The following SHC4 variants were observed in gnomAD, a reference collection of about 807,000 sequenced individuals.
SHC4 encodes SHC-transforming protein 4.
In SHC4, 41 loss-of-function variants were observed where a neutral mutation model predicts 69.4. The ratio of observed to expected loss-of-function variants is 0.59; its 90% CI spans 0.46 to 0.77. The LOEUF (loss-of-function observed/expected upper bound fraction) is 0.77, where lower values mean the gene tolerates loss of function less well. Among genes scored for constraint, SHC4 ranks in the 30% least tolerant of loss-of-function variants. The probability of loss-of-function intolerance (pLI) is 0.00; values close to 1 mark genes in which losing one functional copy is unlikely to be tolerated. For missense variants in SHC4, 777 were observed against 783.8 expected (o/e 0.99, Z 0.10); for synonymous variants, 318 against 299.3 (o/e 1.06, Z -0.64).
In SHC4 at chr15:48,924,829, G is replaced by A. The variant is rs763581267; in HGVS notation, c.656+50C>T. On this transcript the variant is annotated intron_variant, in intron 2 of 11. Coordinates refer to ENST00000332408, the MANE Select transcript of SHC4 (RefSeq NM_203349.4). ...TAAAATTCCTGTGGGAGAAATTATT[G>A]TGACTTTAAACCATACTCCTCAAAG... 8.9e-6 allele frequency: 14 copies of A among 1,575,140 alleles called. No individual in the cohort carries two copies. The South Asian group carries it at 1.2e-4, about 14-fold the overall frequency.
At chr15:48,915,395 C>A (rs886793508) in intron 2 of SHC4, among the ~76,000 whole-genome samples, 3 of 152,196 alleles carry the variant, frequency 2.0e-5, no homozygotes, top group African/African-American at 4.8e-5. Context: ...ATTTAGTTGG[C>A]TATTTCAATT....
At chr15:48,901,190 G>C (rs1900313098) in intron 2 of SHC4, among the ~76,000 whole-genome samples, 1 of 152,172 alleles carries the variant, frequency 6.6e-6, no homozygotes, top group African/African-American at 2.4e-5. Flanking sequence ...ATCGAAATCA[G>C]GTAGCAGGTG....
At chr15:48,827,435 C>A (rs1898709912) in intron 11 of SHC4, among the ~76,000 whole-genome samples, 1 of 152,128 alleles carries the variant, frequency 6.6e-6, no homozygotes, top group African/African-American at 2.4e-5. Context: ...TGGCTCCAAA[C>A]CTCAAAAAGG....
chr15:48,946,122 T>G (rs1388870226), intron 1 of SHC4: 1 of 152,204 alleles, frequency 6.6e-6, no homozygotes, highest in African/African-American at 2.4e-5. Context: ...TGTGTCGAGA[T>G]TCTTACTGGT....
chr15:48,956,386 T>A (rs1047780247), intron 1 of SHC4, among the ~76,000 whole-genome samples: 1 of 152,140 alleles, frequency 6.6e-6, no homozygotes, highest in African/African-American at 2.4e-5. Flanking sequence ...AAGGTTAGAG[T>A]TACCAGGCTA....
At chr15:48,897,896 A>G (rs1900253178) in intron 2 of SHC4, among the ~76,000 whole-genome samples, 1 of 152,206 alleles carries the variant, frequency 6.6e-6, no homozygotes, top group Non-Finnish European at 1.5e-5. Context: ...AAAGTCAACG[A>G]TACTCAGCCA....
chr15:48,929,464 G>A (rs912741650), intron 1 of SHC4, among the ~76,000 whole-genome samples: 1 of 152,192 alleles, frequency 6.6e-6, no homozygotes, highest in Non-Finnish European at 1.5e-5. Flanking sequence ...TGAGGAAATT[G>A]AAGCCTATTA....
rs1269511030 is a variant in SHC4 at position 48,962,571 on chromosome 15, C to T, written c.445G>A (p.Asp149Asn). The change falls in exon 1 of 12, where the codon GAC becomes AAC. Residue 149 changes from aspartate (D) to asparagine (N), a missense_variant. By Grantham distance (23) the Asp-to-Asn change is conservative (BLOSUM62 1). Coordinates refer to ENST00000332408, the MANE Select transcript of SHC4 (RefSeq NM_203349.4). ...RSGTAPPPQQ[D>N]LVGHRATALT... is the part of the protein sequence containing the mutation. Reference sequence around the variant, plus strand: ...GCGGTTGCCCTGTGTCCCACCAGGTCCTGCTGCGGTGGAGGTGCAGTCCCG... The same window carrying T: ...GCGGTTGCCCTGTGTCCCACCAGGTTCTGCTGCGGTGGAGGTGCAGTCCCG... 2 of 1,611,820 alleles carry T rather than the reference C, an allele frequency of 1.2e-6. No homozygotes were observed. Among genetic ancestry groups the T allele is most frequent in the East Asian group, 4.5e-5 (2 of 44,854 alleles).
At chr15:48,918,977 T>C (rs1900682205) in intron 2 of SHC4, among the ~76,000 whole-genome samples, 1 of 152,142 alleles carries the variant, frequency 6.6e-6, no homozygotes, top group South Asian at 2.1e-4. Context: ...TCACAGCATT[T>C]CAAATTCAAC....
intron 2 of SHC4, among the ~76,000 whole-genome samples, chr15:48,896,223 T>TCTCC (rs747288477): frequency 5.3e-5 from 8 of 150,952 alleles, no homozygotes; most frequent in Non-Finnish European, 8.9e-5. Context: ...TTTCTCTCTC[T>TCTCC]CTCCCTCCCT....
intron 1 of SHC4, among the ~76,000 whole-genome samples, chr15:48,931,931 T>C (rs1900973604): frequency 6.6e-6 from 1 of 151,764 alleles, no homozygotes; most frequent in South Asian, 2.1e-4. Flanking sequence ...AGAGAAAGAG[T>C]ATCTCTCCAT....
At chr15:48,957,492 A>C (rs1901474985) in intron 1 of SHC4, among the ~76,000 whole-genome samples, 1 of 152,210 alleles carries the variant, frequency 6.6e-6, no homozygotes, top group African/African-American at 2.4e-5. Flanking sequence ...ATACTAGTTT[A>C]CTGGGTCAGT....
intron 1 of SHC4, among the ~76,000 whole-genome samples, chr15:48,955,208 G>A: frequency 6.6e-6 from 1 of 152,138 alleles, no homozygotes; most frequent in East Asian, 1.9e-4. Flanking sequence ...CACATATTCT[G>A]AAGGGGAAAA....
chr15:48,949,304 G>A (rs1340732804), intron 1 of SHC4, among the ~76,000 whole-genome samples: 1 of 151,206 alleles, frequency 6.6e-6, no homozygotes, highest in African/African-American at 2.4e-5. Flanking sequence ...CCAGGATGCA[G>A]AGCTTGCAGT....
At position 48,890,829 on chromosome 15, in the gene SHC4, T is replaced by C; in HGVS notation, c.657-18A>G. ...TTGCTTCCCTAAAGAACAGAAACCA[T>C]ATAAATAAAGACTTAGCATACTACC... On this transcript the variant is annotated intron_variant, in intron 2 of 11. Coordinates refer to ENST00000332408, the MANE Select transcript of SHC4 (RefSeq NM_203349.4). 3.7e-6 allele frequency: 6 copies of C among 1,613,832 alleles called. No individual in the cohort carries two copies. Among genetic ancestry groups the C allele is most frequent in the South Asian group, 1.1e-5 (1 of 91,064 alleles).
intron 1 of SHC4, among the ~76,000 whole-genome samples, chr15:48,958,019 G>A (rs1365163127): frequency 3.9e-5 from 6 of 152,218 alleles, no homozygotes; most frequent in Non-Finnish European, 7.3e-5. Flanking sequence ...TAGAGACAGC[G>A]TGACTTGGCT....
chr15:48,912,204 TC>T (rs1295088466), intron 2 of SHC4, among the ~76,000 whole-genome samples: 6 of 152,292 alleles, frequency 3.9e-5, no homozygotes, highest in African/African-American at 1.4e-4. Context: ...ATTCTCTTCT[TC>T]CTCAGGAACA....
intron 9 of SHC4, among the ~76,000 whole-genome samples, chr15:48,847,391 C>T (rs1260599043): frequency 6.6e-6 from 1 of 152,092 alleles, no homozygotes; most frequent in African/African-American, 2.4e-5. Flanking sequence ...TTCTATTTTG[C>T]TAATTATTGT....
At chr15:48,910,391 G>T (rs891708534) in intron 2 of SHC4, among the ~76,000 whole-genome samples, 66 of 152,116 alleles carry the variant, frequency 4.3e-4, no homozygotes, top group African/African-American at 1.4e-3. Context: ...GTATTTCAGT[G>T]GTGTCAGCTG....
Sources: allele counts gnomAD v4.1 joint callset (sites outside exome capture counted in the v4.1 genomes callset), GRCh38; gene constraint gnomAD v4.1.1; transcripts MANE v1.5; gene names NCBI Gene and HGNC (gene_info 2026-07-23, HGNC 2026-07-21).